Variants in VEZT observed in about 807,000 individuals in gnomAD.
VEZT encodes the protein vezatin, adherens junctions transmembrane protein, also known as vezatin.
VEZT carries 39 observed loss-of-function variants against 79.9 expected under a neutral mutation model. The ratio of observed to expected loss-of-function variants is 0.49; its 90% CI spans 0.38 to 0.64. The LOEUF (loss-of-function observed/expected upper bound fraction) is 0.64, where lower values mean the gene tolerates loss of function less well. VEZT is among the 30% of genes least tolerant of loss of function. The pLI, the probability that VEZT is intolerant of heterozygous loss-of-function variation, is 0.00. For missense variants in VEZT, 837 were observed against 893.1 expected, an observed-to-expected ratio of 0.94 and a Z score of 0.80; for synonymous variants, 325 against 327.6, an observed-to-expected ratio of 0.99 and a Z score of 0.09.
chr12:95,231,922 G>A (rs980022773), intron 1 of VEZT, among the ~76,000 whole-genome samples: 1 of 152,118 alleles, frequency 6.6e-6, no homozygotes, highest in Non-Finnish European at 1.5e-5. Flanking sequence ...TTTTGACAGA[G>A]ATTTAGCCTT....
At chr12:95,242,939 AT>A (rs1379734981) in intron 1 of VEZT, among the ~76,000 whole-genome samples, 4 of 151,844 alleles carry the variant, frequency 2.6e-5, no homozygotes, top group Non-Finnish European at 5.9e-5. Flanking sequence ...AATAAGTTGA[AT>A]TTTTTCAAGT....
chr12:95,291,889 C>T (rs560853906), intron 9 of VEZT, among the ~76,000 whole-genome samples: 10 of 152,180 alleles, frequency 6.6e-5, no homozygotes, highest in African/African-American at 2.4e-4. Flanking sequence ...AGCTGTGCGT[C>T]CCAGGTTCAA....
chr12:95,240,073 G>GAAGGAAGGAAGGAAGGA (rs1491323550), intron 1 of VEZT, among the ~76,000 whole-genome samples: 2 of 98,902 alleles, frequency 2.0e-5, no homozygotes, highest in Non-Finnish European at 4.7e-5. Context: ...AGGAAGGAAG[G>GAAGGAAGGAAGGAAGGA]AAGAAAAGAA....
chr12:95,232,053 T>G (rs1443347495), intron 1 of VEZT, among the ~76,000 whole-genome samples: 1 of 152,200 alleles, frequency 6.6e-6, no homozygotes, highest in South Asian at 2.1e-4. Context: ...ATGGAAATCA[T>G]AGCAATTAAC....
In VEZT at chr12:95,274,899, T is replaced by C. The variant is rs376239203; in HGVS notation, c.996+10T>C. 3.7e-5 allele frequency: 59 copies of C among 1,611,310 alleles called. No homozygotes were observed. The African/African-American group carries it at 7.3e-4, about 20-fold the overall frequency. On this transcript the variant is annotated intron_variant, in intron 7 of 11. Transcript: ENST00000436874. ...CCTGCCTGCATTGAAGGTAATCCAT[T>C]TGTGTAAGGGAAGGGCTGAAGAAAA...
At chr12:95,230,577 T>C (rs1036516474) in intron 1 of VEZT, among the ~76,000 whole-genome samples, 59 of 102,402 alleles carry the variant, frequency 5.8e-4, no homozygotes, top group South Asian at 5.7e-3. Context: ...ATCTCTCCTT[T>C]TTTTTTTTTT....
intron 1 of VEZT, among the ~76,000 whole-genome samples, chr12:95,235,070 C>T (rs1171551322): frequency 2.0e-5 from 3 of 151,842 alleles, no homozygotes; most frequent in African/African-American, 7.3e-5. Flanking sequence ...TCTACACAGA[C>T]ACGGCAACCA....
intron 1 of VEZT, among the ~76,000 whole-genome samples, chr12:95,247,165 G>C (rs1440012476): frequency 6.6e-6 from 1 of 152,192 alleles, no homozygotes; most frequent in Non-Finnish European, 1.5e-5. Context: ...TGTGTATACA[G>C]AGTACAAAAA....
intron 2 of VEZT, chr12:95,252,423 A>T (rs192767218): frequency 0.012 from 1,892 of 160,958 alleles, 40 homozygotes; most frequent in African/African-American, 0.043. Context: ...TCTTTTTTTT[A>T]AAAAACAGCA....
intron 8 of VEZT, 98 bp from the exon 9 acceptor site, chr12:95,287,566 G>A (rs1429610999): frequency 2.5e-6 from 3 of 1,201,774 alleles, no homozygotes; most frequent in Non-Finnish European, 3.3e-6. Flanking sequence ...GCCTCCCAAA[G>A]TGCTGAGATT....
chr12:95,278,398 A>C (rs956258674), intron 7 of VEZT, among the ~76,000 whole-genome samples: 1 of 152,120 alleles, frequency 6.6e-6, no homozygotes, highest in African/African-American at 2.4e-5. Flanking sequence ...CTGTAACCAA[A>C]CTCAATGATT....
chr12:95,240,405 A>G (rs1481100996), intron 1 of VEZT, among the ~76,000 whole-genome samples: 3 of 152,328 alleles, frequency 2.0e-5, no homozygotes, highest in Non-Finnish European at 4.4e-5. Context: ...ATGAGCATGA[A>G]GTTTATGTAG....
chr12:95,286,281 C>T (rs766580243), intron 8 of VEZT: 27 of 352,162 alleles, frequency 7.7e-5, no homozygotes, highest in Non-Finnish European at 1.4e-4. Context: ...TGTGAGCCAC[C>T]GTGCCTGACC....
chr12:95,258,291 T>C (rs559147282), intron 3 of VEZT: 174 of 455,816 alleles, frequency 3.8e-4, no homozygotes, highest in Non-Finnish European at 5.4e-4. Flanking sequence ...TGGTAAGGTA[T>C]ATGGATCCAT....
At chr12:95,281,008 T>G (rs2139228792) in intron 7 of VEZT, among the ~76,000 whole-genome samples, 1 of 152,342 alleles carries the variant, frequency 6.6e-6, no homozygotes, top group East Asian at 1.9e-4. Context: ...AATTTTAAAA[T>G]TCATTTACTA....
At chr12:95,222,291 A>C (rs1305353402) in intron 1 of VEZT, among the ~76,000 whole-genome samples, 1 of 152,246 alleles carries the variant, frequency 6.6e-6, no homozygotes, top group Non-Finnish European at 1.5e-5. Flanking sequence ...TTTCCCATTT[A>C]GATCTGTCAT....
intron 7 of VEZT, among the ~76,000 whole-genome samples, chr12:95,276,259 C>CTTTTTTTT (rs35034660): frequency 1.1e-3 from 81 of 75,144 alleles, no homozygotes; most frequent in Non-Finnish European, 1.2e-3. Flanking sequence ...TAATTTTTTT[C>CTTTTTTTT]TTTTTTTTTT....
intron 1 of VEZT, among the ~76,000 whole-genome samples, chr12:95,228,315 C>G (rs1415200597): frequency 1.3e-5 from 2 of 152,104 alleles, no homozygotes; most frequent in Non-Finnish European, 2.9e-5. Context: ...TATTATGCAT[C>G]TCTGAGGAAC....
chr12:95,295,264 G>A (rs947577275), intron 10 of VEZT, among the ~76,000 whole-genome samples: 3 of 152,142 alleles, frequency 2.0e-5, no homozygotes, highest in African/African-American at 4.8e-5. Flanking sequence ...GTGTTCAAGC[G>A]ATTCTCCTGC....
Sources: gnomAD v4.1 joint callset for allele counts (sites outside exome capture counted in the v4.1 genomes callset) on GRCh38, gnomAD v4.1.1 for gene constraint, MANE v1.5 for transcripts, NCBI Gene and HGNC (gene_info 2026-07-23, HGNC 2026-07-21) for gene names.